CENPN: variants seen among roughly 807,000 people sequenced by gnomAD.
The protein encoded by CENPN is interphase centromere complex protein 32.
A neutral mutation model predicts 48.6 loss-of-function variants in CENPN; 36 were observed. That is an observed-to-expected ratio of 0.74 (90% CI 0.57 to 0.98). CENPN has a LOEUF of 0.98. CENPN is among the 50% of genes least tolerant of loss of function. CENPN has a pLI of 0.00. For synonymous variants in CENPN, 166 were observed against 135.2 expected, an observed-to-expected ratio of 1.23 and a Z score of -1.58; for missense variants, 439 against 399.2, an observed-to-expected ratio of 1.10 and a Z score of -0.85.
At chr16:81,010,933 T>G (rs1212069581) in intron 1 of CENPN, among the ~76,000 whole-genome samples, 21 of 152,164 alleles carry the variant, frequency 1.4e-4, no homozygotes, top group Non-Finnish European at 5.9e-5. Flanking sequence ...CACTGCGTTC[T>G]CAGTACAGTA....
downstream of CENPN, chr16:81,032,997 G>A (rs932129470): frequency 4.8e-6 from 1 of 208,904 alleles, no homozygotes; most frequent in Admixed American, 5.8e-5. Flanking sequence ...AGGAAAATGT[G>A]AAAAGTGATA....
intron 3 of CENPN, among the ~76,000 whole-genome samples, chr16:81,016,143 C>T (rs1489563965): frequency 6.6e-6 from 1 of 152,120 alleles, no homozygotes; most frequent in Non-Finnish European, 1.5e-5. Flanking sequence ...ATTTCTACTC[C>T]AAGACACTCC....
At chr16:81,032,077 C>G (rs1030793006), downstream of CENPN, among the ~76,000 whole-genome samples, 3 of 152,148 alleles carry the variant, frequency 2.0e-5, no homozygotes, top group Non-Finnish European at 4.4e-5. Context: ...GAGTCAAGGT[C>G]CCTCCAACCT....
rs778243677 is a variant in CENPN at position 81,017,396 on chromosome 16, C to G, written c.277+11C>G. On this transcript the variant is annotated intron_variant, in intron 4 of 10. Coordinates refer to ENST00000305850, the MANE Select transcript of CENPN (RefSeq NM_001100624.3). ...TGAGTAAAGGACCAGGTAATATTTT[C>G]TGTTTACAATTGAATATTTGATAGT... 6.5e-7 allele frequency: 1 copy of G among 1,546,570 alleles called. No individual in the cohort carries two copies.
At chr16:81,011,075 T>C (rs1301620795) in intron 1 of CENPN, among the ~76,000 whole-genome samples, 2 of 152,088 alleles carry the variant, frequency 1.3e-5, no homozygotes, top group Non-Finnish European at 2.9e-5. Flanking sequence ...CTCACCTCCT[T>C]CTCTATGCCT....
At chr16:81,028,014 T>A (rs543655467) in intron 9 of CENPN, among the ~76,000 whole-genome samples, 157 bp from the exon 10 acceptor site, 7 of 152,344 alleles carry the variant, frequency 4.6e-5, no homozygotes, top group African/African-American at 1.7e-4. Flanking sequence ...CTGCCCTCTA[T>A]GTTTGCAGTT....
chr16:81,028,546 CTT>C (rs10579473), intron 10 of CENPN, 21 bp from the exon 11 acceptor site: 1,194,774 of 1,573,354 alleles, frequency 0.76, 454,619 homozygotes, highest in South Asian at 0.82. Flanking sequence ...TTCTTTTTCC[CTT>C]TTTTTTTTTT....
At position 81,012,002 on chromosome 16, in the gene CENPN, G is replaced by A; in HGVS notation, c.63G>A (p.Leu21=). Residue 21 remains leucine (L), a synonymous_variant, in exon 2 of 11, where the codon CTG becomes CTA. Transcript: ENST00000305850. ...RTILKIPMNE[L]TTILKAWDFL... ...TCTTGAAAATCCCCATGAATGAACTGACAACAATCCTGAAGGCCTGGGATT... is the reference window on the plus strand; with the variant it reads ...TCTTGAAAATCCCCATGAATGAACTAACAACAATCCTGAAGGCCTGGGATT... 1 of 1,614,076 alleles carries A rather than the reference G, an allele frequency of 6.2e-7. No homozygotes were observed. The highest frequency in any genetic ancestry group is 8.5e-7 in the Non-Finnish European group (1 of 1,179,958).
In CENPN at chr16:81,011,923, G is replaced by C. The variant is rs375335944; in HGVS notation, c.-10-7G>C. On this transcript the variant is annotated splice_region_variant and splice_polypyrimidine_tract_variant and intron_variant, in intron 1 of 10. Coordinates refer to ENST00000305850, the MANE Select transcript of CENPN (RefSeq NM_001100624.3). Reference sequence around the variant, plus strand: ...TACTTTGTTGTGCTGTTTTTGTTTTGTAAAAGTGCCAAAGAGATGGATGAG... The same window carrying C: ...TACTTTGTTGTGCTGTTTTTGTTTTCTAAAAGTGCCAAAGAGATGGATGAG... 1 of 1,608,200 alleles carries C rather than the reference G, an allele frequency of 6.2e-7. No homozygotes were observed. The highest frequency in any genetic ancestry group is 8.5e-7 in the Non-Finnish European group (1 of 1,176,494).
At chr16:81,008,686 G>C (rs1024168111) in intron 1 of CENPN, among the ~76,000 whole-genome samples, 2 of 152,122 alleles carry the variant, frequency 1.3e-5, no homozygotes, top group Non-Finnish European at 2.9e-5. Context: ...ATGTTTCACT[G>C]ACTGTTGAAC....
At chr16:81,008,629 G>C (rs751166619) in intron 1 of CENPN, among the ~76,000 whole-genome samples, 12 of 152,066 alleles carry the variant, frequency 7.9e-5, no homozygotes, top group Non-Finnish European at 1.8e-4. Flanking sequence ...CGCCCGGCGC[G>C]CTCCCGGCCC....
At position 81,020,295 on chromosome 16, in the gene CENPN, C is replaced by T. The variant is rs1456803439; in HGVS notation, c.531+19C>T. ...GGGTCAGGTATGGAAAAAATTATTA[C>T]AAGCTATAATATTTTATTATCCTAT... On this transcript the variant is annotated intron_variant, in intron 6 of 10. Transcript: ENST00000305850. The T allele has an allele frequency of 6.2e-7, 1 of 1,603,002 alleles. No individual in the cohort carries two copies. The highest frequency in any genetic ancestry group is 1.1e-5 in the South Asian group (1 of 89,506).
chr16:81,015,261 A>G (rs1042511213), intron 3 of CENPN, among the ~76,000 whole-genome samples: 2 of 152,172 alleles, frequency 1.3e-5, no homozygotes, highest in African/African-American at 4.8e-5. Context: ...AGAAGGCAGC[A>G]TAATATAGGG....
chr16:81,028,510 C>A, intron 10 of CENPN, 59 bp from the exon 11 acceptor site: 2 of 1,587,962 alleles, frequency 1.3e-6, no homozygotes, highest in South Asian at 2.3e-5. Context: ...TGACTCAAAT[C>A]CATCCTCCTG....
chr16:81,024,533 C>T, intron 7 of CENPN, 182 bp from the exon 8 acceptor site: 1 of 479,354 alleles, frequency 2.1e-6, no homozygotes, highest in South Asian at 2.5e-5. Flanking sequence ...AGTCGAGTTG[C>T]AGGCTCAGCA....
chr16:81,022,841 A>G (rs1970279917), intron 7 of CENPN, 143 bp downstream of exon 7: 1 of 1,613,046 alleles, frequency 6.2e-7, no homozygotes, highest in Non-Finnish European at 8.5e-7. Flanking sequence ...GCAATTAGTG[A>G]ACATGAAAGG....
downstream of CENPN, chr16:81,031,591 G>C (rs1970780655): frequency 6.6e-6 from 1 of 152,216 alleles, no homozygotes; most frequent in African/African-American, 2.4e-5. Context: ...ACGGATTCGA[G>C]CACAGTTCCT....
chr16:81,030,006 A>G lies in CENPN; in HGVS notation c.*1355A>G, dbSNP rs2151721554. Among the ~76,000 whole-genome samples, 1 of 152,352 alleles carries G rather than the reference A, an allele frequency of 6.6e-6. No individual in the cohort carries two copies. The highest frequency in any genetic ancestry group is 1.9e-4 in the East Asian group (1 of 5,180). ...AATGAGAAGCAAAGTCATGTCTTAC[A>G]TGGCGGCAGGCAAGAGAGCTTGTGC... On this transcript the variant is annotated 3_prime_UTR_variant, in exon 11 of 11. Coordinates refer to ENST00000305850, the MANE Select transcript of CENPN (RefSeq NM_001100624.3).
intron 5 of CENPN, among the ~76,000 whole-genome samples, chr16:81,018,869 C>T (rs1301993662): frequency 6.6e-5 from 10 of 152,182 alleles, no homozygotes; most frequent in South Asian, 2.1e-4. Flanking sequence ...GAAACAGAGA[C>T]GTGGGCAAGC....
Sources: allele counts gnomAD v4.1 joint callset (sites outside exome capture counted in the v4.1 genomes callset), GRCh38; gene constraint gnomAD v4.1.1; transcripts MANE v1.5; gene names NCBI Gene and HGNC (gene_info 2026-07-23, HGNC 2026-07-21).